Variants in SLC35F4 observed in about 807,000 individuals in gnomAD.
The protein encoded by SLC35F4 is solute carrier family 35 member F4, also known as chromosome 14 open reading frame 36.
Under a neutral mutation model 44.2 loss-of-function variants are expected in SLC35F4, and 24 were observed. That is an observed-to-expected ratio of 0.54 (90% CI 0.39 to 0.76). The LOEUF (loss-of-function observed/expected upper bound fraction) is 0.76, where lower values mean the gene tolerates loss of function less well. Ranked by LOEUF, SLC35F4 falls within the 30% of genes least tolerant of loss-of-function variation. SLC35F4 has a pLI of 0.00. For missense variants in SLC35F4, 562 were observed against 586.1 expected, an observed-to-expected ratio of 0.96 and a Z score of 0.42; for synonymous variants, 238 against 223.6, an observed-to-expected ratio of 1.06 and a Z score of -0.57.
chr14:57,579,361 C>CTATT (rs911453156), intron 4 of SLC35F4: 3 of 152,168 alleles, frequency 2.0e-5, no homozygotes, highest in Non-Finnish European at 4.4e-5. Context: ...TTAAAATCTG[C>CTATT]TATTTAAAGA....
At chr14:57,732,751 A>C (rs1272233685) in intron 1 of SLC35F4, among the ~76,000 whole-genome samples, 4 of 152,190 alleles carry the variant, frequency 2.6e-5, no homozygotes, top group African/African-American at 9.6e-5. Context: ...TATAGTTGGA[A>C]GGAAGATCTA....
intron 1 of SLC35F4, among the ~76,000 whole-genome samples, chr14:57,893,015 G>A (rs542482036): frequency 8.3e-4 from 127 of 152,202 alleles, no homozygotes; most frequent in Non-Finnish European, 1.5e-3. Flanking sequence ...ACACCCAAAG[G>A]CTAGAACTGG....
chr14:57,742,766 A>C (rs2076647044), intron 1 of SLC35F4, among the ~76,000 whole-genome samples: 1 of 152,224 alleles, frequency 6.6e-6, no homozygotes. Context: ...TCAACAGAAC[A>C]TATATTCTTC....
At chr14:57,629,602 T>C (rs980958201) in intron 1 of SLC35F4, among the ~76,000 whole-genome samples, 9 of 152,124 alleles carry the variant, frequency 5.9e-5, no homozygotes, top group African/African-American at 2.2e-4. Flanking sequence ...ATATAGAAAC[T>C]TCAAGATTAA....
At chr14:57,767,755 TAATA>T (rs1487312676) in intron 1 of SLC35F4, among the ~76,000 whole-genome samples, 2 of 150,912 alleles carry the variant, frequency 1.3e-5, no homozygotes, top group African/African-American at 4.9e-5. Context: ...TCAAGAAAGT[TAATA>T]AAACTCTAGC....
intron 1 of SLC35F4, among the ~76,000 whole-genome samples, chr14:57,833,467 A>G (rs995260880): frequency 1.3e-5 from 2 of 152,210 alleles, no homozygotes; most frequent in Non-Finnish European, 2.9e-5. Flanking sequence ...ATGAATCAAA[A>G]CACAGAAGAC....
intron 1 of SLC35F4, among the ~76,000 whole-genome samples, chr14:57,903,870 T>C (rs1460846842): frequency 6.6e-6 from 1 of 152,198 alleles, no homozygotes; most frequent in Non-Finnish European, 1.5e-5. Context: ...GACCCAACAA[T>C]AGATTTTCCT....
chr14:57,864,949 G>T (rs1302499979), intron 1 of SLC35F4, among the ~76,000 whole-genome samples: 1 of 152,072 alleles, frequency 6.6e-6, no homozygotes, highest in Non-Finnish European at 1.5e-5. Context: ...CACCAAAACT[G>T]GTCCAAAAAC....
chr14:57,819,641 TA>T (rs72330695), intron 1 of SLC35F4, among the ~76,000 whole-genome samples: 418 of 139,094 alleles, frequency 3.0e-3, no homozygotes, highest in Middle Eastern at 3.8e-3. Context: ...CCATCTCTAC[TA>T]AAAAAAAAAA....
intron 1 of SLC35F4, among the ~76,000 whole-genome samples, chr14:57,978,259 A>G (rs774927096): frequency 5.9e-5 from 9 of 152,148 alleles, no homozygotes; most frequent in Non-Finnish European, 8.8e-5. Flanking sequence ...CATCCCTTTC[A>G]GAGACAGGTC....
intron 1 of SLC35F4, among the ~76,000 whole-genome samples, chr14:57,664,446 T>C (rs2074241021): frequency 6.6e-6 from 1 of 152,140 alleles, no homozygotes; most frequent in Non-Finnish European, 1.5e-5. Context: ...TCTCGCTCCG[T>C]CATCCAGGCT....
At chr14:57,702,121 C>T (rs1056056704) in intron 1 of SLC35F4, among the ~76,000 whole-genome samples, 1 of 152,176 alleles carries the variant, frequency 6.6e-6, no homozygotes, top group African/African-American at 2.4e-5. Flanking sequence ...AGGCATTTGA[C>T]CAGCCACTGC....
intron 1 of SLC35F4, among the ~76,000 whole-genome samples, chr14:57,829,172 C>G (rs902326590): frequency 6.6e-6 from 1 of 152,188 alleles, no homozygotes; most frequent in Non-Finnish European, 1.5e-5. Flanking sequence ...GCATTCAGAA[C>G]AGGACCACCA....
At chr14:57,596,101 G>T (rs2070469627) in intron 1 of SLC35F4, 1 of 152,258 alleles carries the variant, frequency 6.6e-6, no homozygotes, top group South Asian at 2.1e-4. Flanking sequence ...TGAGGTGATA[G>T]ATGACATGTT....
At chr14:57,692,361 G>A (rs574497822) in intron 1 of SLC35F4, among the ~76,000 whole-genome samples, 1 of 152,004 alleles carries the variant, frequency 6.6e-6, no homozygotes, top group East Asian at 1.9e-4. Flanking sequence ...CCTTTAAAAT[G>A]GTCATATATT....
chr14:57,736,615 T>G (rs1003756481), intron 1 of SLC35F4, among the ~76,000 whole-genome samples: 54 of 152,258 alleles, frequency 3.5e-4, no homozygotes, highest in Admixed American at 8.5e-4. Flanking sequence ...AGTGGATGGG[T>G]CATGCCTGGA....
intron 1 of SLC35F4, among the ~76,000 whole-genome samples, chr14:57,777,282 T>C (rs1172937047): frequency 1.3e-5 from 2 of 152,218 alleles, no homozygotes; most frequent in Non-Finnish European, 2.9e-5. Context: ...ACTGGGTATA[T>C]ACCCAAAGGA....
At chr14:57,704,682 A>C (rs1312223345) in intron 1 of SLC35F4, among the ~76,000 whole-genome samples, 1 of 152,174 alleles carries the variant, frequency 6.6e-6, no homozygotes, top group Non-Finnish European at 1.5e-5. Context: ...CTAGATCAGT[A>C]GCTAAGATAT....
chr14:57,978,177 A>C (rs1685394481), intron 1 of SLC35F4, among the ~76,000 whole-genome samples: 1 of 152,122 alleles, frequency 6.6e-6, no homozygotes, highest in South Asian at 2.1e-4. Flanking sequence ...ACCAAGGCTG[A>C]TCTAGTTGTT....
Sources: allele counts gnomAD v4.1 joint callset (sites outside exome capture counted in the v4.1 genomes callset), GRCh38; gene constraint gnomAD v4.1.1; transcripts MANE v1.5; gene names NCBI Gene and HGNC (gene_info 2026-07-23, HGNC 2026-07-21).